SIPA1L1: variants seen among roughly 807,000 people sequenced by gnomAD.
SIPA1L1 encodes signal induced proliferation associated 1 like 1, also known as signal-induced proliferation-associated 1-like protein 1.
Under a neutral mutation model 162.7 loss-of-function variants are expected in SIPA1L1, and 26 were observed. The observed-to-expected ratio is 0.16, with a 90% CI of 0.12 to 0.22. The LOEUF is 0.22. Among genes scored for constraint, SIPA1L1 ranks in the 10% least tolerant of loss-of-function variants. SIPA1L1 has a pLI of 1.00. For missense variants in SIPA1L1, 1,874 were observed against 2,241.0 expected (o/e 0.84, Z 3.31); for synonymous variants, 829 against 837.4 (o/e 0.99, Z 0.17).
At position 71,618,978 on chromosome 14, in the gene SIPA1L1, C is replaced by G. The variant is rs2039118910; in HGVS notation, c.1629+91C>G. On this transcript the variant is annotated intron_variant, in intron 6 of 23. Coordinates refer to ENST00000381232, the MANE Select transcript of SIPA1L1 (RefSeq NM_001386936.1). ...AGCAAAGCAATTAAATTTAATAGCA[C>G]ATGGTTACAGCTGTCTTTGGAGTAA... is the stretch of plus-strand genomic sequence containing the variant. The G allele has an allele frequency of 2.2e-6, 3 of 1,377,084 alleles. No individual in the cohort carries two copies. In the African/African-American group the frequency reaches 4.3e-5, roughly 20 times the overall value. The allele number at this position is 1,377,084 out of a possible 1,614,324, so 85.3% of individuals were successfully genotyped here.
intron 2 of SIPA1L1, among the ~76,000 whole-genome samples, chr14:71,494,198 T>G (rs867906469): frequency 1.3e-5 from 2 of 152,338 alleles, no homozygotes; most frequent in Non-Finnish European, 1.5e-5. Flanking sequence ...GTCCTTGTTT[T>G]GTTCCTGATG....
At chr14:71,410,120 A>G (rs1024494364) in intron 2 of SIPA1L1, among the ~76,000 whole-genome samples, 3 of 152,230 alleles carry the variant, frequency 2.0e-5, no homozygotes, top group African/African-American at 4.8e-5. Context: ...AGTGTAGTTT[A>G]CAAAAATATG....
At chr14:71,686,167 G>A (rs992816158) in intron 13 of SIPA1L1, among the ~76,000 whole-genome samples, 2 of 152,200 alleles carry the variant, frequency 1.3e-5, no homozygotes, top group Non-Finnish European at 2.9e-5. Flanking sequence ...GTGGAGATAC[G>A]TTAAAACACT....
intron 7 of SIPA1L1, among the ~76,000 whole-genome samples, chr14:71,641,537 A>G (rs1234634147): frequency 6.6e-6 from 1 of 152,168 alleles, no homozygotes; most frequent in Non-Finnish European, 1.5e-5. Flanking sequence ...CCTGGCTAAT[A>G]CAGTGAAGCC....
Position 71,685,486 on chromosome 14 carries a change from C to T in SIPA1L1, c.3229C>T (p.His1077Tyr), listed in dbSNP as rs2046209075. The change falls in exon 13 of 24, where the codon CAT (histidine) becomes TAT (tyrosine). Residue 1077 changes from histidine (H) to tyrosine (Y), a missense_variant. By Grantham distance (83) the His-to-Tyr change is moderately conservative (BLOSUM62 2). Coordinates refer to ENST00000381232, the MANE Select transcript of SIPA1L1 (RefSeq NM_001386936.1). Reference sequence around the variant, plus strand: ...GCAGAGGAACGCCAGCAAGGGGCCTCATTCACCTCAAGTCCCGTCCCAGGT... The same window carrying T: ...GCAGAGGAACGCCAGCAAGGGGCCTTATTCACCTCAAGTCCCGTCCCAGGT... ...KWQRNASKGP[H>Y]SPQVPSQVQS... 1.9e-6 allele frequency: 3 copies of T among 1,614,228 alleles called. No homozygotes were observed. The highest frequency in any genetic ancestry group is 2.5e-6 in the Non-Finnish European group (3 of 1,180,046).
At chr14:71,684,427 C>G (rs1398610250) in intron 12 of SIPA1L1, among the ~76,000 whole-genome samples, 3 of 152,264 alleles carry the variant, frequency 2.0e-5, no homozygotes, top group African/African-American at 7.2e-5. Flanking sequence ...TCAGCCTCAT[C>G]CACGTCAAGA....
chr14:71,661,455 G>C lies in SIPA1L1; in HGVS notation c.2243G>C (p.Ser748Thr). Residue 748 changes from serine to threonine, a missense_variant, in exon 10 of 24, where the codon AGT becomes ACT. By Grantham distance (58) the Ser-to-Thr change is moderately conservative. Transcript: ENST00000381232. ...AGGGTGCACAATCCGTGCTCTGACAGTGTCTGTTATAGGTGTGTATGGGTG... is the reference window on the plus strand; with the variant it reads ...AGGGTGCACAATCCGTGCTCTGACACTGTCTGTTATAGGTGTGTATGGGTG... Reference protein sequence around the residue: ...IVRVHNPCSDSVCYSVAVTRS... With the variant: ...IVRVHNPCSDTVCYSVAVTRS... 6.2e-7 allele frequency: 1 copy of C among 1,613,978 alleles called. No individual in the cohort carries two copies. The highest frequency in any genetic ancestry group is 8.5e-7 in the Non-Finnish European group (1 of 1,179,892).
rs115309953 is a variant in SIPA1L1, at chr14:71,402,140, A to G, written c.-465+80959A>G. On this transcript the variant is annotated intron_variant, in intron 2 of 23. Coordinates refer to ENST00000381232, the MANE Select transcript of SIPA1L1 (RefSeq NM_001386936.1). ...GTCTTTTCTCAAATAAAAAAAAAAT[A>G]TGGCTAATAATTACCTTGCAAGAGT... 6.7e-3 allele frequency among the ~76,000 whole-genome samples: 1,019 copies of G among 152,096 alleles called. 6 individuals carry two copies. Among genetic ancestry groups the G allele is most frequent in the African/African-American group, 0.023 (961 of 41,488 alleles).
chr14:71,531,087 T>C (rs576048996), intron 4 of SIPA1L1, among the ~76,000 whole-genome samples: 4 of 152,180 alleles, frequency 2.6e-5, no homozygotes, highest in Non-Finnish European at 4.4e-5. Flanking sequence ...TGGCCTACCA[T>C]TGAGTTCACT....
intron 2 of SIPA1L1, among the ~76,000 whole-genome samples, chr14:71,405,207 G>T (rs1160486469): frequency 6.6e-6 from 1 of 152,176 alleles, no homozygotes; most frequent in Non-Finnish European, 1.5e-5. Context: ...GACCAGGAAA[G>T]GTCCTTCTGA....
At chr14:71,573,597 C>T (rs953588957) in intron 4 of SIPA1L1, 5 of 456,574 alleles carry the variant, frequency 1.1e-5, no homozygotes, top group African/African-American at 4.0e-5. Flanking sequence ...GAAAGATGCC[C>T]GAGAGCTGGG....
chr14:71,431,444 A>G (rs1233218501), intron 2 of SIPA1L1, among the ~76,000 whole-genome samples: 4 of 152,158 alleles, frequency 2.6e-5, no homozygotes, highest in Non-Finnish European at 4.4e-5. Flanking sequence ...CTGTAATATC[A>G]GCACTTGGGA....
At chr14:71,546,748 T>G (rs1044757223) in intron 4 of SIPA1L1, among the ~76,000 whole-genome samples, 2 of 152,204 alleles carry the variant, frequency 1.3e-5, no homozygotes, top group Admixed American at 6.5e-5. Context: ...GCTATACAAG[T>G]TGATGAAACA....
intron 2 of SIPA1L1, among the ~76,000 whole-genome samples, chr14:71,407,218 C>T (rs2042086048): frequency 6.6e-6 from 1 of 152,082 alleles, no homozygotes; most frequent in Non-Finnish European, 1.5e-5. Flanking sequence ...ATACTCCTCA[C>T]CTTGTACGAT....
At chr14:71,448,942 A>AG (rs1379146206) in intron 2 of SIPA1L1, 1 of 152,362 alleles carries the variant, frequency 6.6e-6, no homozygotes, top group African/African-American at 2.4e-5. Flanking sequence ...TGGGCAACAT[A>AG]GCAGGACCCC....
intron 8 of SIPA1L1, among the ~76,000 whole-genome samples, chr14:71,657,511 T>G (rs2043168880): frequency 1.3e-5 from 2 of 152,094 alleles, no homozygotes; most frequent in Non-Finnish European, 2.9e-5. Flanking sequence ...TTCCAGGTAC[T>G]TGTGGGAACA....
chr14:71,653,716 G>A (rs1180267007), intron 8 of SIPA1L1, among the ~76,000 whole-genome samples: 1 of 152,176 alleles, frequency 6.6e-6, no homozygotes, highest in Non-Finnish European at 1.5e-5. Flanking sequence ...GGCATGGTAA[G>A]TGCTGTATCA....
Position 71,703,265 on chromosome 14 carries a change from T to C in SIPA1L1, c.3646+760T>C, listed in dbSNP as rs144952344. Among the ~76,000 whole-genome samples, 6 of 152,326 alleles carry C rather than the reference T, an allele frequency of 3.9e-5. No individual in the cohort carries two copies. The East Asian group carries it at 1.2e-3, about 29-fold the overall frequency. On this transcript the variant is annotated intron_variant, in intron 15 of 23. Transcript: ENST00000381232. Reference sequence around the variant, plus strand: ...TTTCCTCCTTTGTTTAATCTCTAGTTGCATCAGTGTAGGATAAAAAGGTGT... The same window carrying C: ...TTTCCTCCTTTGTTTAATCTCTAGTCGCATCAGTGTAGGATAAAAAGGTGT...
intron 2 of SIPA1L1, among the ~76,000 whole-genome samples, chr14:71,466,080 C>T (rs1449375750): frequency 3.9e-5 from 6 of 152,180 alleles, no homozygotes; most frequent in Admixed American, 3.9e-4. Flanking sequence ...ACTTCACATC[C>T]TTCAATCCAA....
Sources: gnomAD v4.1 joint callset for allele counts (sites outside exome capture counted in the v4.1 genomes callset) on GRCh38, gnomAD v4.1.1 for gene constraint, MANE v1.5 for transcripts, NCBI Gene and HGNC (gene_info 2026-07-23, HGNC 2026-07-21) for gene names.